Variants in ATP8A1 observed in about 807,000 individuals in gnomAD.
The protein encoded by ATP8A1 is phospholipid-transporting ATPase IA.
In ATP8A1, 90 loss-of-function variants were observed where a neutral mutation model predicts 177.7. The ratio of observed to expected loss-of-function variants is 0.51; its 90% CI spans 0.43 to 0.60. The LOEUF is 0.60. Among genes scored for constraint, ATP8A1 ranks in the 20% least tolerant of loss-of-function variants. The pLI is 0.00. For missense variants in ATP8A1, 1,072 were observed against 1,392.8 expected (o/e 0.77, Z 3.67); for synonymous variants, 493 against 485.9 (o/e 1.01, Z -0.19).
At chr4:42,443,399 A>G (rs1386677685) in intron 33 of ATP8A1, among the ~76,000 whole-genome samples, 166 bp downstream of exon 33, 1 of 152,246 alleles carries the variant, frequency 6.6e-6, no homozygotes, top group Non-Finnish European at 1.5e-5. Flanking sequence ...ATATTCTCTC[A>G]AGATTAATCA....
Position 42,638,804 on chromosome 4 carries a change from G to A in ATP8A1, c.50-11695C>T, listed in dbSNP as rs540029707. ...GTTGCAACCACCAGACATCTACCAA[G>A]CATCTCCTAGAAGTCTCAATTAGCT... On this transcript the variant is annotated intron_variant, in intron 1 of 36. Coordinates refer to ENST00000381668, the MANE Select transcript of ATP8A1 (RefSeq NM_006095.2). Among the ~76,000 whole-genome samples, 210 of 152,216 alleles carry A rather than the reference G, an allele frequency of 1.4e-3. 1 individual carries two copies. Among genetic ancestry groups the A allele is most frequent in the Middle Eastern group, 3.4e-3 (1 of 294 alleles).
chr4:42,627,740 T>A (rs189422771), intron 1 of ATP8A1, among the ~76,000 whole-genome samples: 16 of 152,296 alleles, frequency 1.1e-4, no homozygotes, highest in Admixed American at 2.6e-4. Context: ...ACAAACACTT[T>A]AAAAAATACA....
At chr4:42,524,950 A>G (rs2153199504) in intron 20 of ATP8A1, 103 bp from the exon 21 acceptor site, 2 of 629,956 alleles carry the variant, frequency 3.2e-6, no homozygotes, top group East Asian at 2.9e-5. Context: ...AACAACCACC[A>G]ATCTCTTTTG....
rs779281307 is a variant in ATP8A1 at position 42,464,737 on chromosome 4, A to T, written c.2572T>A (p.Cys858Ser). Residue 858 changes from cysteine (C) to serine (S), a missense_variant, in exon 27 of 37, where the codon TGC (cysteine) becomes AGC (serine). Transcript: ENST00000381668. ...TTCTTGTAGAAGCAGTATAAGATGC[A>T]CTTGGAGACTCTGTTATAGTTCCAG... The part of the protein sequence containing the change: ...GAWNYNRVSK[C>S]ILYCFYKNIV... 1 of 1,613,570 alleles carries T rather than the reference A, an allele frequency of 6.2e-7. No homozygotes were observed. Among genetic ancestry groups the T allele is most frequent in the South Asian group, 1.1e-5 (1 of 91,062 alleles).
At chr4:42,502,556 G>C (rs116252949) in intron 24 of ATP8A1, among the ~76,000 whole-genome samples, 21 of 152,092 alleles carry the variant, frequency 1.4e-4, no homozygotes, top group African/African-American at 5.1e-4. Context: ...ATCAAATGAC[G>C]CGTGGCTTGC....
Position 42,448,392 on chromosome 4 carries a change from C to CTTACTTTACTTTTTT in ATP8A1, c.2897-1749_2897-1748insAAAAAAGTAAAGTAA, listed in dbSNP as rs1560335169. ...ACAAGTAGCCTCCCTCCCTCCTTCTCTTTCTTTTCTTTTTTTTTTTTTTGA... is the reference window on the plus strand; with the variant it reads ...ACAAGTAGCCTCCCTCCCTCCTTCTCTTACTTTACTTTTTTTTTCTTTTCTTTTTTTTTTTTTTGA... On this transcript the variant is annotated intron_variant, in intron 30 of 36. Coordinates refer to ENST00000381668, the MANE Select transcript of ATP8A1 (RefSeq NM_006095.2). Among the ~76,000 whole-genome samples the CTTACTTTACTTTTTT allele has an allele frequency of 3.1e-3, 62 of 19,924 alleles. 1 individual carries two copies. Among genetic ancestry groups the CTTACTTTACTTTTTT allele is most frequent in the African/African-American group, 5.0e-3 (62 of 12,382 alleles). 13.1% of individuals were successfully genotyped at this position (19,924 alleles called of 152,430 possible). A position where few individuals can be genotyped will look rare whatever the true frequency, so the allele number is the denominator to read the frequency against.
In ATP8A1 at chr4:42,497,732, A is replaced by G. The variant is rs574295670; in HGVS notation, c.2151+5718T>C. Among the ~76,000 whole-genome samples the G allele has an allele frequency of 2.5e-3, 374 of 152,346 alleles. 1 individual carries two copies. The highest frequency in any genetic ancestry group is 8.4e-3 in the African/African-American group (351 of 41,580). ...AACCACGTACTTTGGCTTGCAGCAG[A>G]CACTGTCTTAAATCCAGGAAAAGGA... is the stretch of plus-strand genomic sequence containing the variant. On this transcript the variant is annotated intron_variant, in intron 24 of 36. Coordinates refer to ENST00000381668, the MANE Select transcript of ATP8A1 (RefSeq NM_006095.2).
intron 16 of ATP8A1, among the ~76,000 whole-genome samples, chr4:42,555,079 G>C (rs1560453675): frequency 7.0e-6 from 1 of 142,024 alleles, no homozygotes; most frequent in African/African-American, 2.7e-5. Context: ...ACTCCCCTTT[G>C]TGTGTGTATC....
chr4:42,482,378 C>T (rs1033254585), intron 25 of ATP8A1, among the ~76,000 whole-genome samples: 1 of 151,038 alleles, frequency 6.6e-6, no homozygotes, highest in Admixed American at 6.6e-5. Context: ...TAGACTGATA[C>T]AAACAGGTTT....
chr4:42,565,167 CA>C (rs1731233027), intron 15 of ATP8A1, among the ~76,000 whole-genome samples: 1 of 152,160 alleles, frequency 6.6e-6, no homozygotes, highest in Non-Finnish European at 1.5e-5. Flanking sequence ...ATGTCTTTAT[CA>C]GTAGCTTGAA....
intron 25 of ATP8A1, among the ~76,000 whole-genome samples, chr4:42,477,024 G>A (rs1721139503): frequency 6.6e-6 from 1 of 152,020 alleles, no homozygotes; most frequent in Non-Finnish European, 1.5e-5. Context: ...AGCAATTATT[G>A]TCTTTTGAAT....
At chr4:42,511,131 A>C (rs947767717) in intron 22 of ATP8A1, among the ~76,000 whole-genome samples, 4 of 152,206 alleles carry the variant, frequency 2.6e-5, no homozygotes, top group Admixed American at 6.5e-5. Flanking sequence ...TAATTTTAGC[A>C]GAAGGTTCTG....
intron 6 of ATP8A1, among the ~76,000 whole-genome samples, chr4:42,595,130 AT>A (rs1734599458): frequency 6.6e-6 from 1 of 152,110 alleles, no homozygotes; most frequent in African/African-American, 2.4e-5. Context: ...CTCCCTTTAC[AT>A]CATGAAAGTT....
At chr4:42,501,625 T>C (rs1227396963) in intron 24 of ATP8A1, among the ~76,000 whole-genome samples, 2 of 152,254 alleles carry the variant, frequency 1.3e-5, no homozygotes, top group Non-Finnish European at 2.9e-5. Context: ...GAACACAGAT[T>C]GGATGCGTTC....
At chr4:42,448,767 A>G (rs1366883923) in intron 30 of ATP8A1, among the ~76,000 whole-genome samples, 2 of 149,622 alleles carry the variant, frequency 1.3e-5, no homozygotes, top group African/African-American at 2.5e-5. Flanking sequence ...ATCTGAAACT[A>G]TATCAATGAA....
chr4:42,421,393 C>T (rs919438227), intron 35 of ATP8A1, among the ~76,000 whole-genome samples: 3 of 152,134 alleles, frequency 2.0e-5, no homozygotes, highest in Admixed American at 2.0e-4. Flanking sequence ...GCTCTGGGAT[C>T]AGCTGGCATG....
intron 33 of ATP8A1, among the ~76,000 whole-genome samples, chr4:42,424,138 T>C (rs997759971): frequency 2.0e-5 from 3 of 152,238 alleles, no homozygotes; most frequent in Middle Eastern, 7.0e-3. Context: ...ATAACTGGTA[T>C]TGGTGCATAC....
chr4:42,446,258 C>T (rs1285804469), intron 31 of ATP8A1, among the ~76,000 whole-genome samples: 2 of 152,002 alleles, frequency 1.3e-5, no homozygotes, highest in African/African-American at 2.4e-5. Flanking sequence ...AGCCACCAGC[C>T]CCTGCAAACA....
rs1722102508 is a variant in ATP8A1, at chr4:42,485,515, T to C, written c.2305A>G (p.Lys769Glu). ...ACTTACCGACAGCAAATGACAGCTT[T>C]GCATGACAAAGCTAAGTCCAGGAAA... ...QYFLDLALSC[K>E]AVICCRVSPL... The change falls in exon 25 of 37, where the codon AAA (lysine) becomes GAA (glutamate). Residue 769 changes from lysine to glutamate, a missense_variant. Lys to Glu is a moderately conservative substitution (Grantham distance 56). Around this residue, in one of 5 missense-constraint regions of ATP8A1, gnomAD observed 388 missense variants for 471.7 expected, o/e 0.82. Transcript: ENST00000381668. 1 of 1,611,958 alleles carries C rather than the reference T, an allele frequency of 6.2e-7. No homozygotes were observed. Among genetic ancestry groups the C allele is most frequent in the African/African-American group, 1.3e-5 (1 of 74,948 alleles).
Sources: gnomAD v4.1 joint callset for allele counts (sites outside exome capture counted in the v4.1 genomes callset) on GRCh38, gnomAD v4.1.1 for gene constraint, gnomAD v4.1.1 regional missense constraint, MANE v1.5 for transcripts, NCBI Gene and HGNC (gene_info 2026-07-23, HGNC 2026-07-21) for gene names.